The following NKAPL variants were observed in gnomAD, a reference collection of about 807,000 sequenced individuals.
NKAPL encodes NFKB activating protein like, also known as NKAP-like protein.
Under a neutral mutation model 14.7 loss-of-function variants are expected in NKAPL, and 7 were observed. The ratio of observed to expected loss-of-function variants is 0.48; its 90% confidence interval spans 0.27 to 0.89. NKAPL has a LOEUF of 0.89. Ranked by LOEUF, NKAPL falls within the 40% of genes least tolerant of loss-of-function variation. The pLI is 0.12. For missense variants in NKAPL, 466 were observed against 494.1 expected, an observed-to-expected ratio of 0.94 and a Z score of 0.54; for synonymous variants, 192 against 179.9, an observed-to-expected ratio of 1.07 and a Z score of -0.54.
Position 28,260,346 on chromosome 6 carries a change from G to T in NKAPL, c.975G>T (p.Gly325=). 1 of 1,614,188 alleles carries T rather than the reference G, an allele frequency of 6.2e-7. No homozygotes were observed. Among genetic ancestry groups the T allele is most frequent in the Admixed American group, 1.7e-5 (1 of 60,024 alleles). The part of the protein sequence containing the change: ...GKRIPRRGEI[G]LTSEEIGSFE... ...GAATCCCACGAAGAGGTGAAATTGG[G>T]TTGACAAGTGAAGAGATCGGTTCTT... is the stretch of plus-strand genomic sequence containing the variant. The change falls in exon 1 of 1, where the codon GGG becomes GGT. Residue 325 remains glycine (G), a synonymous_variant. Transcript: ENST00000343684.
In NKAPL at chr6:28,260,639, G is replaced by A. The variant is rs1398345344; in HGVS notation, c.*59G>A. On this transcript the variant is annotated 3_prime_UTR_variant, in exon 1 of 1. Coordinates refer to ENST00000343684, the MANE Select transcript of NKAPL (RefSeq NM_001007531.3). ...ACAAAAATTTTATGTGACCAAAAGTGTTAAAAGGCTTTACAGTGCTACTGT... is the reference window on the plus strand; with the variant it reads ...ACAAAAATTTTATGTGACCAAAAGTATTAAAAGGCTTTACAGTGCTACTGT... 3 of 1,558,550 alleles carry A rather than the reference G, an allele frequency of 1.9e-6. No homozygotes were observed. In the African/African-American group the frequency reaches 4.1e-5, roughly 21 times the overall value.
Position 28,259,655 on chromosome 6 carries a change from G to A in NKAPL, c.284G>A (p.Arg95His). Residue 95 changes from arginine (R) to histidine (H), a missense_variant, in exon 1 of 1, where the codon CGC becomes CAC. Transcript: ENST00000343684. ...SSWSTSYSGY[R>H]YHRHCYAEER... ...TGGTCGACCTCGTATAGTGGATATC[G>A]CTACCATCGTCACTGCTATGCAGAA... 1 of 1,614,226 alleles carries A rather than the reference G, an allele frequency of 6.2e-7. No individual in the cohort carries two copies. The highest frequency in any genetic ancestry group is 8.5e-7 in the Non-Finnish European group (1 of 1,180,048).
Position 28,260,806 on chromosome 6 carries a change from A to G in NKAPL, c.*226A>G, listed in dbSNP as rs1053228615. 2.1e-6 allele frequency: 1 copy of G among 465,258 alleles called. No individual in the cohort carries two copies. Among genetic ancestry groups the G allele is most frequent in the African/African-American group, 2.0e-5 (1 of 50,690 alleles). 28.8% of individuals were successfully genotyped at this position (465,258 alleles called of 1,614,324 possible). A position where few individuals can be genotyped will look rare whatever the true frequency, so the allele number is the denominator to read the frequency against. On this transcript the variant is annotated 3_prime_UTR_variant, in exon 1 of 1. Transcript: ENST00000343684. ...CAACCATTATAGGAGGAGAGTTAGT[A>G]AAAAGTGAATCTTTCACTTTAGCCC...
In NKAPL at chr6:28,259,849, G is replaced by A. The variant is rs1761301668; in HGVS notation, c.478G>A (p.Val160Ile). 1.9e-6 allele frequency: 3 copies of A among 1,614,118 alleles called. No homozygotes were observed. Among genetic ancestry groups the A allele is most frequent in the Non-Finnish European group, 2.5e-6 (3 of 1,180,030 alleles). Residue 160 changes from valine (V) to isoleucine (I), a missense_variant, in exon 1 of 1, where the codon GTA becomes ATA. Transcript: ENST00000343684. ...TACCCCAGTTGAGGATGAAGAAGAG[G>A]TAACGCATCAGAAAAGCAGCAGTTC... The part of the protein sequence containing the change: ...EHTPVEDEEE[V>I]THQKSSSSDS...
Position 28,260,352 on chromosome 6 carries a change from A to G in NKAPL, c.981A>G (p.Thr327=). Residue 327 remains threonine, a synonymous_variant, in exon 1 of 1, where the codon ACA becomes ACG. Transcript: ENST00000343684. ...RIPRRGEIGL[T]SEEIGSFECS... is the part of the protein sequence containing the mutation. ...CACGAAGAGGTGAAATTGGGTTGAC[A>G]AGTGAAGAGATCGGTTCTTTTGAAT... 1 of 1,614,214 alleles carries G rather than the reference A, an allele frequency of 6.2e-7. No homozygotes were observed. The highest frequency in any genetic ancestry group is 8.5e-7 in the Non-Finnish European group (1 of 1,180,040).
Position 28,260,873 on chromosome 6 carries a change from A to G in NKAPL, c.*293A>G. The stretch of plus-strand genomic sequence containing the variant: ...AAAAATATATATTTTGGTGTCTTAT[A>G]TACAGAATATACATTCTGTGCATAT... On this transcript the variant is annotated 3_prime_UTR_variant, in exon 1 of 1. Transcript: ENST00000343684. 1 of 282,240 alleles carries G rather than the reference A, an allele frequency of 3.5e-6. No homozygotes were observed. Among genetic ancestry groups the G allele is most frequent in the South Asian group, 6.6e-5 (1 of 15,178 alleles). The allele number at this position is 282,240 out of a possible 1,614,324, so 17.5% of individuals were successfully genotyped here. A position where few individuals can be genotyped will look rare whatever the true frequency, so the allele number is the denominator to read the frequency against.
rs1228592352 is a variant in NKAPL at position 28,259,764 on chromosome 6, G to T, written c.393G>T (p.Leu131Phe). 1.2e-6 allele frequency: 2 copies of T among 1,614,192 alleles called. No individual in the cohort carries two copies. Among genetic ancestry groups the T allele is most frequent in the South Asian group, 2.2e-5 (2 of 91,082 alleles). Reference protein sequence around the residue: ...RLKERERIGELGAPEVWGPSP... With the variant: ...RLKERERIGEFGAPEVWGPSP... ...AGGAGAGAGAGAGGATTGGGGAATT[G>T]GGAGCGCCTGAAGTGTGGGGGCCGT... Residue 131 changes from leucine (L) to phenylalanine (F), a missense_variant, in exon 1 of 1, where the codon TTG becomes TTT. Transcript: ENST00000343684.
Position 28,260,673 on chromosome 6 carries a change from T to C in NKAPL, c.*93T>C, listed in dbSNP as rs1453148620. 8.3e-6 allele frequency: 12 copies of C among 1,445,790 alleles called. No homozygotes were observed. In the East Asian group the frequency reaches 2.6e-4, roughly 32 times the overall value. The allele number at this position is 1,445,790 out of a possible 1,614,324, so 89.6% of individuals were successfully genotyped here. On this transcript the variant is annotated 3_prime_UTR_variant, in exon 1 of 1. Coordinates refer to ENST00000343684, the MANE Select transcript of NKAPL (RefSeq NM_001007531.3). ...CTTTACAGTGCTACTGTACTTACCA[T>C]ATTAGTAAGTCCCTCAGGAAAAAGC...
In NKAPL at chr6:28,260,277, C is replaced by T. The variant is rs939665953; in HGVS notation, c.906C>T (p.Pro302=). The T allele has an allele frequency of 1.2e-6, 2 of 1,614,078 alleles. No homozygotes were observed. Among genetic ancestry groups the T allele is most frequent in the Non-Finnish European group, 8.5e-7 (1 of 1,180,020 alleles). ...KPLKYGHALL[P]GEGAAMAEYV... ...TGAAGTATGGCCATGCTTTGCTTCC[C>T]GGTGAAGGTGCAGCTATGGCTGAGT... The change falls in exon 1 of 1, where the codon CCC becomes CCT. Residue 302 remains proline, a synonymous_variant. Transcript: ENST00000343684.
Position 28,260,742 on chromosome 6 carries a change from CT to C in NKAPL, c.*165del, listed in dbSNP as rs1049189312. 2.5e-6 allele frequency: 2 copies of C among 814,646 alleles called. No individual in the cohort carries two copies. Among genetic ancestry groups the C allele is most frequent in the African/African-American group, 3.5e-5 (2 of 57,678 alleles). The allele number at this position is 814,646 out of a possible 1,614,324, so 50.5% of individuals were successfully genotyped here. On this transcript the variant is annotated 3_prime_UTR_variant, in exon 1 of 1. Transcript: ENST00000343684. ...AGCAGCTTATTTTTTGTTATTTTAACTTTAAAAAGTAATATGTGCACATGGT... is the reference window on the plus strand; with the variant it reads ...AGCAGCTTATTTTTTGTTATTTTAACTTAAAAAGTAATATGTGCACATGGT...
rs1761332396 is a variant in NKAPL, at chr6:28,260,851, A to T, written c.*271A>T. The T allele has an allele frequency of 2.9e-6, 1 of 349,742 alleles. No homozygotes were observed. Among genetic ancestry groups the T allele is most frequent in the South Asian group, 4.7e-5 (1 of 21,228 alleles). 21.7% of individuals were successfully genotyped at this position (349,742 alleles called of 1,614,324 possible). On this transcript the variant is annotated 3_prime_UTR_variant, in exon 1 of 1. Transcript: ENST00000343684. ...TAGCCCCTGACACCTTTCCCCCAAA[A>T]ATATATATTTTGGTGTCTTATATAC...
At position 28,260,123 on chromosome 6, in the gene NKAPL, C is replaced by T. The variant is rs370337122; in HGVS notation, c.752C>T (p.Ser251Leu). The T allele has an allele frequency of 3.1e-5, 49 of 1,599,082 alleles. No individual in the cohort carries two copies. The East Asian group carries it at 4.5e-4, about 15-fold the overall frequency. Reference protein sequence around the residue: ...NKKTKKESSDSSCKDSEEDLS... With the variant: ...NKKTKKESSDLSCKDSEEDLS... ...AAAACCAAAAAAGAATCCAGTGACTCAAGCTGTAAAGACTCAGAAGAGGAC... is the reference window on the plus strand; with the variant it reads ...AAAACCAAAAAAGAATCCAGTGACTTAAGCTGTAAAGACTCAGAAGAGGAC... Residue 251 changes from serine to leucine, a missense_variant, in exon 1 of 1, where the codon TCA (serine) becomes TTA (leucine). Ser to Leu is a moderately radical substitution (Grantham distance 145). Coordinates refer to ENST00000343684, the MANE Select transcript of NKAPL (RefSeq NM_001007531.3).
At position 28,259,952 on chromosome 6, in the gene NKAPL, C is replaced by T. The variant is rs770979621; in HGVS notation, c.581C>T (p.Ser194Phe). 2 of 1,609,402 alleles carry T rather than the reference C, an allele frequency of 1.2e-6. No homozygotes were observed. Among genetic ancestry groups the T allele is most frequent in the East Asian group, 2.2e-5 (1 of 44,860 alleles). The change falls in exon 1 of 1, where the codon TCT becomes TTT. Residue 194 changes from serine (S) to phenylalanine (F), a missense_variant. Ser to Phe is a radical substitution (Grantham distance 155, BLOSUM62 -2). Transcript: ENST00000343684. ...AAGAAAAAAAGAAAGAATAAGTCGT[C>T]TAAAAGAAAGCATAGGAAATATTCT... Reference protein sequence around the residue: ...RNKKKRKNKSSKRKHRKYSDS... With the variant: ...RNKKKRKNKSFKRKHRKYSDS...
rs749425623 is a variant in NKAPL at position 28,259,691 on chromosome 6, C to G, written c.320C>G (p.Ser107Ter). Reference protein sequence around the residue: ...HRHCYAEERQSAEDYEKEESH... With the variant: ...HRHCYAEERQ ...CACTGCTATGCAGAAGAACGGCAGT[C>G]AGCGGAAGACTACGAGAAGGAAGAG... The change falls in exon 1 of 1, where the codon TCA becomes TGA. Residue 107 changes from serine to a stop codon, truncating the protein, a stop_gained. Coordinates refer to ENST00000343684, the MANE Select transcript of NKAPL (RefSeq NM_001007531.3). LOFTEE classifies it low-confidence loss of function (END_TRUNC). The G allele has an allele frequency of 8.1e-6, 13 of 1,614,084 alleles. No homozygotes were observed. Among genetic ancestry groups the G allele is most frequent in the Non-Finnish European group, 4.2e-6 (5 of 1,180,042 alleles).
In NKAPL at chr6:28,260,471, G is replaced by C. The variant is rs142295338; in HGVS notation, c.1100G>C (p.Arg367Thr). 103 of 1,614,038 alleles carry C rather than the reference G, an allele frequency of 6.4e-5. No individual in the cohort carries two copies. The highest frequency in any genetic ancestry group is 8.6e-5 in the Non-Finnish European group (101 of 1,180,036). Reference sequence around the variant, plus strand: ...CAGATCTACAGTGCTGATGAGAAGAGAGCTCTTGCATCCTTTAACCAAGAA... The same window carrying C: ...CAGATCTACAGTGCTGATGAGAAGACAGCTCTTGCATCCTTTAACCAAGAA... Reference protein sequence around the residue: ...ENQIYSADEKRALASFNQEER... With the variant: ...ENQIYSADEKTALASFNQEER... Residue 367 changes from arginine to threonine, a missense_variant, in exon 1 of 1, where the codon AGA becomes ACA. Transcript: ENST00000343684.
chr6:28,260,259 T>C lies in NKAPL; in HGVS notation c.888T>C (p.Tyr296=). The change falls in exon 1 of 1, where the codon TAT becomes TAC. Residue 296 remains tyrosine, a synonymous_variant. Coordinates refer to ENST00000343684, the MANE Select transcript of NKAPL (RefSeq NM_001007531.3). ...CTCAAGATGAAAAACCTTTGAAGTA[T>C]GGCCATGCTTTGCTTCCCGGTGAAG... ...HTSQDEKPLK[Y]GHALLPGEGA... 6.2e-7 allele frequency: 1 copy of C among 1,614,180 alleles called. No homozygotes were observed. Among genetic ancestry groups the C allele is most frequent in the Non-Finnish European group, 8.5e-7 (1 of 1,180,032 alleles).
Position 28,259,630 on chromosome 6 carries a change from T to C in NKAPL, c.259T>C (p.Trp87Arg). The change falls in exon 1 of 1, where the codon TGG becomes CGG. Residue 87 changes from tryptophan to arginine, a missense_variant. Coordinates refer to ENST00000343684, the MANE Select transcript of NKAPL (RefSeq NM_001007531.3). ...CCGCAACTACGCCTTCGCGTCCTCC[T>C]GGTCGACCTCGTATAGTGGATATCG... is the stretch of plus-strand genomic sequence containing the variant. ...RFRNYAFASS[W>R]STSYSGYRYH... 6.2e-7 allele frequency: 1 copy of C among 1,614,256 alleles called. No individual in the cohort carries two copies. The highest frequency in any genetic ancestry group is 8.5e-7 in the Non-Finnish European group (1 of 1,180,042).
rs565170463 is a variant in NKAPL at position 28,260,672 on chromosome 6, A to G, written c.*92A>G. On this transcript the variant is annotated 3_prime_UTR_variant, in exon 1 of 1. Transcript: ENST00000343684. ...GCTTTACAGTGCTACTGTACTTACC[A>G]TATTAGTAAGTCCCTCAGGAAAAAG... The G allele has an allele frequency of 9.2e-5, 134 of 1,460,130 alleles. 1 individual carries two copies. In the South Asian group the frequency reaches 1.9e-3, roughly 20 times the overall value. The allele number at this position is 1,460,130 out of a possible 1,614,324, so 90.4% of individuals were successfully genotyped here.
At position 28,260,902 on chromosome 6, in the gene NKAPL, A is replaced by G. The variant is rs535512875; in HGVS notation, c.*322A>G. The G allele has an allele frequency of 1.4e-5, 3 of 207,328 alleles. No individual in the cohort carries two copies. Among genetic ancestry groups the G allele is most frequent in the Admixed American group, 5.7e-5 (1 of 17,610 alleles). The allele number at this position is 207,328 out of a possible 1,614,324, so 12.8% of individuals were successfully genotyped here. A position where few individuals can be genotyped will look rare whatever the true frequency, so the allele number is the denominator to read the frequency against. ...AGAATATACATTCTGTGCATATACA[A>G]GAGTATATGTTGCAGCATAAAGATT... On this transcript the variant is annotated 3_prime_UTR_variant, in exon 1 of 1. Transcript: ENST00000343684.
Sources: gnomAD v4.1 joint callset for allele counts on GRCh38, gnomAD v4.1.1 for gene constraint, MANE v1.5 for transcripts, NCBI Gene and HGNC (gene_info 2026-07-23, HGNC 2026-07-21) for gene names.